USP6: variants seen among roughly 807,000 people sequenced by gnomAD.
USP6 encodes the protein ubiquitin carboxyl-terminal hydrolase 6.
USP6 carries 128 observed loss-of-function variants against 175.7 expected under a neutral mutation model. That is an observed-to-expected ratio of 0.73 (90% CI 0.63 to 0.84). The LOEUF (loss-of-function observed/expected upper bound fraction) is 0.84, where lower values mean the gene tolerates loss of function less well. Ranked by LOEUF, USP6 falls within the 40% of genes least tolerant of loss-of-function variation. The pLI, the probability that USP6 is intolerant of heterozygous loss-of-function variation, is 0.00. For missense variants in USP6, 1,498 were observed against 1,760.3 expected, an observed-to-expected ratio of 0.85 and a Z score of 2.67; for synonymous variants, 562 against 630.6, an observed-to-expected ratio of 0.89 and a Z score of 1.63.
chr17:5,150,836 C>T (rs181048053), intron 30 of USP6, among the ~76,000 whole-genome samples: 10 of 152,164 alleles, frequency 6.6e-5, no homozygotes, highest in Admixed American at 4.6e-4. Context: ...AAGTCTGAAA[C>T]CAAGGTTTCA....
intron 24 of USP6, 32 bp downstream of exon 24, chr17:5,142,173 C>T (rs997347994): frequency 1.3e-6 from 2 of 1,599,220 alleles, no homozygotes; most frequent in African/African-American, 2.7e-5. Context: ...GCCTCTTAAC[C>T]TGTGACTTTG....
At position 5,148,728 on chromosome 17, in the gene USP6, C is replaced by T; in HGVS notation, c.2604C>T (p.Ser868=). 6 of 1,613,842 alleles carry T rather than the reference C, an allele frequency of 3.7e-6. No individual in the cohort carries two copies. Among genetic ancestry groups the T allele is most frequent in the Non-Finnish European group, 4.2e-6 (5 of 1,179,808 alleles). Residue 868 remains serine, a synonymous_variant, in exon 30 of 38, where the codon AGC becomes AGT. Transcript: ENST00000574788. ...VNGHMPSLPD[S]PFTGYIIAVH... is the part of the protein sequence containing the mutation. ...GTCACATGCCATCTCTTCCTGACAGCCCCTTTACAGGTTACATCATTGCAG... is the reference window on the plus strand; with the variant it reads ...GTCACATGCCATCTCTTCCTGACAGTCCCTTTACAGGTTACATCATTGCAG...
intron 31 of USP6, among the ~76,000 whole-genome samples, chr17:5,158,877 C>T (rs748692814): frequency 2.6e-5 from 4 of 152,106 alleles, no homozygotes; most frequent in Admixed American, 6.6e-5. Flanking sequence ...AAAGACAGAA[C>T]GGTCCTTTGG....
rs767211987 is a variant in USP6, at chr17:5,142,105, A to G, written c.1676A>G (p.Tyr559Cys). The change falls in exon 24 of 38, where the codon TAT becomes TGT. Residue 559 changes from tyrosine to cysteine, a missense_variant. By Grantham distance (194) the Tyr-to-Cys change is radical. This residue lies in a region of USP6 where 1,217 missense variants were observed against 1,500.8 expected (regional missense o/e 0.81). Coordinates refer to ENST00000574788, the MANE Select transcript of USP6 (RefSeq NM_001304284.2). Reference sequence around the variant, plus strand: ...AGTAACACACAGCCACTGACACAGTATTTTATCTCAGGGAGACATCTTTAT... The same window carrying G: ...AGTAACACACAGCCACTGACACAGTGTTTTATCTCAGGGAGACATCTTTAT... The part of the protein sequence containing the change: ...CVSNTQPLTQ[Y>C]FISGRHLYEL... 1.2e-6 allele frequency: 2 copies of G among 1,613,622 alleles called. No homozygotes were observed.
In USP6 at chr17:5,168,920, G is replaced by C. The variant is rs1366042439; in HGVS notation, c.3382G>C (p.Asp1128His). The C allele has an allele frequency of 1.8e-5, 29 of 1,613,864 alleles. No individual in the cohort carries two copies. Among genetic ancestry groups the C allele is most frequent in the Non-Finnish European group, 2.4e-5 (28 of 1,179,882 alleles). The change falls in exon 35 of 38, where the codon GAT (aspartate) becomes CAT (histidine). Residue 1128 changes from aspartate (D) to histidine (H), a missense_variant. Around this residue, in one of 2 missense-constraint regions of USP6, gnomAD observed 1,217 missense variants for 1,500.8 expected, o/e 0.81. Transcript: ENST00000574788. The stretch of plus-strand genomic sequence containing the variant: ...GCATAAACCACTCACACCCCAGGGG[G>C]ATGAGCTCTCCAAGCCCAGGATTCT... ...CQHKPLTPQGDELSKPRILAR... is the reference protein window; with the variant it reads ...CQHKPLTPQGHELSKPRILAR...
intron 1 of USP6, among the ~76,000 whole-genome samples, chr17:5,116,948 C>T (rs1405392477): frequency 6.6e-6 from 1 of 152,168 alleles, no homozygotes; most frequent in Non-Finnish European, 1.5e-5. Context: ...GGAAAGGCCA[C>T]AGGGCAAGAG....
At chr17:5,138,547 C>T (rs1276168275) in intron 21 of USP6, among the ~76,000 whole-genome samples, 2 of 152,096 alleles carry the variant, frequency 1.3e-5, no homozygotes, top group African/African-American at 2.4e-5. Flanking sequence ...CTCGCTCTCT[C>T]CCTCACAGGG....
intron 1 of USP6, 107 bp downstream of exon 1, chr17:5,116,847 G>C (rs1030275680): frequency 6.6e-6 from 1 of 152,286 alleles, no homozygotes; most frequent in African/African-American, 2.4e-5. Flanking sequence ...TTGATGGTAA[G>C]TGCTTATCAC....
At chr17:5,138,002 G>T in intron 20 of USP6, 119 bp from the exon 21 acceptor site, 1 of 1,568,990 alleles carries the variant, frequency 6.4e-7, no homozygotes. Flanking sequence ...ACATCTGGAT[G>T]CCTGGGGTGG....
In USP6 at chr17:5,147,152, G is replaced by A. The variant is rs751423143; in HGVS notation, c.2389G>A (p.Val797Ile). The A allele has an allele frequency of 1.7e-5, 28 of 1,613,706 alleles. No individual in the cohort carries two copies. Among genetic ancestry groups the A allele is most frequent in the Non-Finnish European group, 2.2e-5 (26 of 1,179,810 alleles). The part of the protein sequence containing the change: ...SGFLCAFEIP[V>I]PSSPISASSP... ...ATTTTTGTGTGCATTTGAAATTCCT[G>A]TCCCTTCATCTCCAATTTCAGCTTC... is the stretch of plus-strand genomic sequence containing the variant. Residue 797 changes from valine (V) to isoleucine (I), a missense_variant, in exon 29 of 38, where the codon GTC becomes ATC. Transcript: ENST00000574788.
intron 4 of USP6, among the ~76,000 whole-genome samples, chr17:5,123,917 A>G (rs1237400525): frequency 4.3e-5 from 5 of 117,582 alleles, no homozygotes; most frequent in African/African-American, 9.5e-5. Flanking sequence ...ACACACACAC[A>G]CGCACACACA....
At chr17:5,140,268 C>T (rs2073405706) in intron 22 of USP6, among the ~76,000 whole-genome samples, 1 of 152,202 alleles carries the variant, frequency 6.6e-6, no homozygotes. Flanking sequence ...AATAGCATGG[C>T]CCATAAAAAA....
chr17:5,142,092 C>T lies in USP6; in HGVS notation c.1663C>T (p.Pro555Ser), dbSNP rs761843380. Residue 555 changes from proline (P) to serine (S), a missense_variant, in exon 24 of 38, where the codon CCA becomes TCA. By Grantham distance (74) the Pro-to-Ser change is moderately conservative. Transcript: ENST00000574788. ...SSIQCVSNTQPLTQYFISGRH... is the reference protein window; with the variant it reads ...SSIQCVSNTQSLTQYFISGRH... ...CATCCAGTGCGTTAGTAACACACAG[C>T]CACTGACACAGTATTTTATCTCAGG... 10 of 1,613,756 alleles carry T rather than the reference C, an allele frequency of 6.2e-6. No individual in the cohort carries two copies. In the East Asian group the frequency reaches 2.2e-4, roughly 36 times the overall value.
At chr17:5,150,707 A>T (rs1015571656) in intron 30 of USP6, among the ~76,000 whole-genome samples, 1 of 151,836 alleles carries the variant, frequency 6.6e-6, no homozygotes, top group Non-Finnish European at 1.5e-5. Flanking sequence ...GTTGGCCAGG[A>T]TGGTCTTGAT....
In USP6 at chr17:5,149,210, C is replaced by T. The variant is rs543891949; in HGVS notation, c.2643+443C>T. Among the ~76,000 whole-genome samples the T allele has an allele frequency of 4.8e-3, 732 of 152,200 alleles. 5 individuals carry two copies. Among genetic ancestry groups the T allele is most frequent in the Non-Finnish European group, 4.5e-3 (308 of 68,016 alleles). On this transcript the variant is annotated intron_variant, in intron 30 of 37. Coordinates refer to ENST00000574788, the MANE Select transcript of USP6 (RefSeq NM_001304284.2). ...CTGAGGTCAGGAGTTCGAGAACAGC[C>T]TGGCCAACATGGTGAAATCCCATCT...
In USP6 at chr17:5,170,726, G is replaced by A. The variant is rs1426302927; in HGVS notation, c.3765G>A (p.Glu1255=). The A allele has an allele frequency of 6.2e-7, 1 of 1,613,866 alleles. No individual in the cohort carries two copies. The highest frequency in any genetic ancestry group is 1.3e-5 in the African/African-American group (1 of 74,912). ...ATATGCGGGGGGGCAGCCAACCAGA[G>A]CTGGTCACTCCTCAGGACCATGAGG... ...RGHMRGGSQP[E]LVTPQDHEVA... The change falls in exon 36 of 38, where the codon GAG becomes GAA. Residue 1255 remains glutamate, a synonymous_variant. Coordinates refer to ENST00000574788, the MANE Select transcript of USP6 (RefSeq NM_001304284.2).
intron 29 of USP6, 125 bp from the exon 30 acceptor site, chr17:5,148,431 A>G (rs887577850): frequency 9.1e-6 from 10 of 1,100,272 alleles, no homozygotes; most frequent in South Asian, 5.0e-5. Flanking sequence ...AATTATTTAT[A>G]CTATGATTTC....
At position 5,174,342 on chromosome 17, in the gene USP6, C is replaced by A. The variant is rs1343010182; in HGVS notation, c.*1364C>A. On this transcript the variant is annotated 3_prime_UTR_variant, in exon 38 of 38. Coordinates refer to ENST00000574788, the MANE Select transcript of USP6 (RefSeq NM_001304284.2). ...GACCCTGCAAGTTGATTCTCATTGCCAGATTCCATTACCCTTTCTTCCTCA... is the reference window on the plus strand; with the variant it reads ...GACCCTGCAAGTTGATTCTCATTGCAAGATTCCATTACCCTTTCTTCCTCA... The A allele has an allele frequency of 5.2e-6, 1 of 190,572 alleles. No individual in the cohort carries two copies. The highest frequency in any genetic ancestry group is 1.1e-5 in the Non-Finnish European group (1 of 90,792). 11.8% of individuals were successfully genotyped at this position (190,572 alleles called of 1,614,324 possible).
In USP6 at chr17:5,120,647, T is replaced by G; in HGVS notation, c.-1816T>G. 2 of 384,420 alleles carry G rather than the reference T, an allele frequency of 5.2e-6. No homozygotes were observed. The highest frequency in any genetic ancestry group is 4.0e-5 in the South Asian group (2 of 50,408). The allele number at this position is 384,420 out of a possible 1,614,324, so 23.8% of individuals were successfully genotyped here. A position where few individuals can be genotyped will look rare whatever the true frequency, so the allele number is the denominator to read the frequency against. On this transcript the variant is annotated 5_prime_UTR_variant, in exon 3 of 38. Coordinates refer to ENST00000574788, the MANE Select transcript of USP6 (RefSeq NM_001304284.2). ...CCCAGGAAATGAAGGCCCTTTGAGG[T>G]CAGGTGGATGAGGATGTCAGTGTGA...
Sources: gnomAD v4.1 joint callset for allele counts (sites outside exome capture counted in the v4.1 genomes callset) on GRCh38, gnomAD v4.1.1 for gene constraint, gnomAD v4.1.1 regional missense constraint, MANE v1.5 for transcripts, NCBI Gene and HGNC (gene_info 2026-07-23, HGNC 2026-07-21) for gene names.